Variants in DNAH11 observed in about 807,000 individuals in gnomAD.
DNAH11 encodes the protein axonemal beta dynein heavy chain 11.
A neutral mutation model predicts 526.0 loss-of-function variants in DNAH11; 442 were observed. The observed-to-expected ratio is 0.84, with a 90% CI of 0.78 to 0.91. The LOEUF (loss-of-function observed/expected upper bound fraction) is 0.91, where lower values mean the gene tolerates loss of function less well. Ranked by LOEUF, DNAH11 falls within the 40% of genes least tolerant of loss-of-function variation. The pLI is 0.00. For missense variants in DNAH11, 6,989 were observed against 5,448.7 expected (o/e 1.28, Z -8.90); for synonymous variants, 2,461 against 1,935.9 (o/e 1.27, Z -7.12).
intron 9 of DNAH11, among the ~76,000 whole-genome samples, chr7:21,587,728 T>C (rs1002967157): frequency 1.3e-5 from 2 of 152,162 alleles, no homozygotes; most frequent in African/African-American, 4.8e-5. Context: ...ATAACAAGTA[T>C]GTGAATCTTG....
intron 18 of DNAH11, among the ~76,000 whole-genome samples, chr7:21,604,585 C>T (rs558562306): frequency 1.3e-5 from 2 of 152,248 alleles, no homozygotes; most frequent in African/African-American, 2.4e-5. Context: ...CTAGTCATTT[C>T]GTTGAGCCTC....
At chr7:21,596,332 G>A (rs1784860197) in intron 14 of DNAH11, among the ~76,000 whole-genome samples, 2 of 152,172 alleles carry the variant, frequency 1.3e-5, no homozygotes, top group African/African-American at 4.8e-5. Flanking sequence ...AGAAGGCTCT[G>A]CCAAAGTCCT....
chr7:21,589,508 G>C, intron 12 of DNAH11, 105 bp downstream of exon 12: 2 of 981,046 alleles, frequency 2.0e-6, no homozygotes, highest in South Asian at 3.5e-5. Context: ...AAATGTCAGA[G>C]TTGTGAGGAC....
At chr7:21,751,846 A>T (rs1786425621) in intron 54 of DNAH11, among the ~76,000 whole-genome samples, 1 of 152,244 alleles carries the variant, frequency 6.6e-6, no homozygotes, top group South Asian at 2.1e-4. Flanking sequence ...TACATTTGTC[A>T]GGTAGTAACA....
chr7:21,630,116 A>T (rs1007767107), intron 25 of DNAH11, among the ~76,000 whole-genome samples: 1 of 152,094 alleles, frequency 6.6e-6, no homozygotes, highest in African/African-American at 2.4e-5. Flanking sequence ...AGTCGTAGAA[A>T]AACTATACCA....
chr7:21,601,763 G>T (rs564235627), intron 18 of DNAH11, 145 bp downstream of exon 18: 2 of 553,802 alleles, frequency 3.6e-6, no homozygotes, highest in East Asian at 6.7e-5. Context: ...TTAGGAATCT[G>T]ATACTTAAGG....
At chr7:21,602,065 C>T (rs369383725) in intron 18 of DNAH11, among the ~76,000 whole-genome samples, 2 of 151,872 alleles carry the variant, frequency 1.3e-5, no homozygotes, top group East Asian at 1.9e-4. Context: ...ATAGGCCAGG[C>T]GTGGTGGCTC....
At chr7:21,854,624 C>T (rs1782765414) in intron 68 of DNAH11, among the ~76,000 whole-genome samples, 169 bp downstream of exon 68, 2 of 151,720 alleles carry the variant, frequency 1.3e-5, no homozygotes, top group Admixed American at 1.3e-4. Flanking sequence ...ATCATTGCAA[C>T]CTCTGCCTCC....
intron 2 of DNAH11, among the ~76,000 whole-genome samples, chr7:21,548,783 C>A (rs62439334): frequency 1.2e-4 from 19 of 152,068 alleles, no homozygotes; most frequent in Admixed American, 3.3e-4. Context: ...AACTCTGCCC[C>A]CTGCCTAGAG....
At chr7:21,806,257 T>A (rs570013850) in intron 62 of DNAH11, among the ~76,000 whole-genome samples, 15 of 152,330 alleles carry the variant, frequency 9.8e-5, no homozygotes, top group African/African-American at 2.6e-4. Flanking sequence ...TTTTGGAGAA[T>A]GAGTTGGATA....
intron 7 of DNAH11, among the ~76,000 whole-genome samples, chr7:21,571,450 T>C (rs1054380453): frequency 2.0e-5 from 3 of 152,084 alleles, no homozygotes; most frequent in African/African-American, 7.2e-5. Context: ...TAGTTAACTT[T>C]TTAATGTTTC....
Position 21,807,984 on chromosome 7 carries a change from C to A in DNAH11, c.10267C>A (p.Pro3423Thr). 1.9e-6 allele frequency: 3 copies of A among 1,601,902 alleles called. No individual in the cohort carries two copies. Among genetic ancestry groups the A allele is most frequent in the Non-Finnish European group, 2.6e-6 (3 of 1,172,534 alleles). The change falls in exon 63 of 82, where the codon CCC (proline) becomes ACC (threonine). Residue 3423 changes from proline (P) to threonine (T), a missense_variant. Coordinates refer to ENST00000409508, the MANE Select transcript of DNAH11 (RefSeq NM_001277115.2). Reference sequence around the variant, plus strand: ...GGCGGCATTTGTGTCTTACGTCGGACCCTTCACAAGGCAGTATCGCCAGGA... The same window carrying A: ...GGCGGCATTTGTGTCTTACGTCGGAACCTTCACAAGGCAGTATCGCCAGGA... ...LTAAFVSYVG[P>T]FTRQYRQELV...
rs1177937194 is a variant in DNAH11 at position 21,705,468 on chromosome 7, G to T, written c.6477G>T (p.Gln2159His). The change falls in exon 39 of 82, where the codon CAG (glutamine) becomes CAT (histidine). Residue 2159 changes from glutamine to histidine, a missense_variant. Transcript: ENST00000409508. ...AGCTGTTTGCTCTGCAGGTTGTCCAGCTTGAGGAACTGTTGGCTGTGCGGC... is the reference window on the plus strand; with the variant it reads ...AGCTGTTTGCTCTGCAGGTTGTCCATCTTGAGGAACTGTTGGCTGTGCGGC... ...PEESFILKVV[Q>H]LEELLAVRHS... is the part of the protein sequence containing the mutation. 1 of 1,613,560 alleles carries T rather than the reference G, an allele frequency of 6.2e-7. No homozygotes were observed. The highest frequency in any genetic ancestry group is 8.5e-7 in the Non-Finnish European group (1 of 1,179,696).
At chr7:21,593,816 T>C (rs1472648967) in intron 14 of DNAH11, among the ~76,000 whole-genome samples, 2 of 152,066 alleles carry the variant, frequency 1.3e-5, no homozygotes, top group Non-Finnish European at 2.9e-5. Context: ...GTCTTCTCTA[T>C]AGACCAGCAC....
At chr7:21,872,317 G>A (rs942857625) in intron 73 of DNAH11, among the ~76,000 whole-genome samples, 1 of 151,944 alleles carries the variant, frequency 6.6e-6, no homozygotes. Flanking sequence ...GGGAATAAAA[G>A]CCAATAATGT....
chr7:21,546,271 C>G (rs968413222), intron 2 of DNAH11, among the ~76,000 whole-genome samples: 1 of 152,246 alleles, frequency 6.6e-6, no homozygotes, highest in African/African-American at 2.4e-5. Flanking sequence ...ACCCCTAACT[C>G]CTGTACCCTG....
At chr7:21,682,903 T>C (rs1213116474) in intron 31 of DNAH11, among the ~76,000 whole-genome samples, 3 of 152,230 alleles carry the variant, frequency 2.0e-5, no homozygotes, top group Admixed American at 6.5e-5. Flanking sequence ...CTTTAATTGC[T>C]AGTCCAAAAC....
intron 18 of DNAH11, among the ~76,000 whole-genome samples, chr7:21,602,557 TTGTGTGTGTGTGTGTGTGTGTG>T (rs60703018): frequency 5.4e-5 from 8 of 149,016 alleles, no homozygotes; most frequent in African/African-American, 9.9e-5. Flanking sequence ...ATTTTATAGA[TTGTGTGTGTGTGTGTGTGTGTG>T]TGTGTGTGTG....
intron 1 of DNAH11, 198 bp downstream of exon 1, chr7:21,543,794 T>C: frequency 3.3e-6 from 2 of 607,234 alleles, no homozygotes; most frequent in East Asian, 2.9e-5. Flanking sequence ...CAGGTTAGTT[T>C]CCTAAGTCAG....
Sources: allele counts gnomAD v4.1 joint callset (sites outside exome capture counted in the v4.1 genomes callset), GRCh38; gene constraint gnomAD v4.1.1; transcripts MANE v1.5; gene names NCBI Gene and HGNC (gene_info 2026-07-23, HGNC 2026-07-21).